Variants in NRG1 observed in about 807,000 individuals in gnomAD.
NRG1 encodes pro-neuregulin-1, membrane-bound isoform.
In NRG1, 18 loss-of-function variants were observed where a neutral mutation model predicts 63.8. The observed-to-expected ratio is 0.28, with a 90% CI of 0.19 to 0.42. The LOEUF is 0.42. NRG1 is among the 10% of genes least tolerant of loss of function. The pLI is 1.00. For synonymous variants in NRG1, 302 were observed against 301.3 expected, an observed-to-expected ratio of 1.00 and a Z score of -0.02; for missense variants, 762 against 814.7, an observed-to-expected ratio of 0.94 and a Z score of 0.79.
At chr8:32,249,143 A>G (rs1332685519) in intron 1 of NRG1, among the ~76,000 whole-genome samples, 1 of 152,058 alleles carries the variant, frequency 6.6e-6, no homozygotes, top group Non-Finnish European at 1.5e-5. Flanking sequence ...AGGTAGGGAA[A>G]TATTTTATTT....
chr8:32,656,532 T>C (rs1441390755), intron 5 of NRG1, among the ~76,000 whole-genome samples: 1 of 152,200 alleles, frequency 6.6e-6, no homozygotes, highest in Non-Finnish European at 1.5e-5. Context: ...CAGACAGATA[T>C]AAGTTTGTAA....
intron 11 of NRG1, among the ~76,000 whole-genome samples, chr8:32,761,172 A>G (rs1289351780): frequency 6.6e-6 from 1 of 152,236 alleles, no homozygotes; most frequent in Non-Finnish European, 1.5e-5. Flanking sequence ...TTGAATTCAT[A>G]GATTCTCTTT....
At chr8:31,718,473 C>T (rs1264161008) in intron 1 of NRG1, among the ~76,000 whole-genome samples, 1 of 152,200 alleles carries the variant, frequency 6.6e-6, no homozygotes, top group Non-Finnish European at 1.5e-5. Context: ...TCCATAAATA[C>T]TGTGCACTCC....
rs1042225623 is a variant in NRG1 at position 32,344,310 on chromosome 8, T to C, written c.38-251518T>C. Reference sequence around the variant, plus strand: ...ATTTTAGGAAAGAGCCACATCTTTTTTTTTTCCTTCTTTCTCTTTCTTTCT... The same window carrying C: ...ATTTTAGGAAAGAGCCACATCTTTTCTTTTTCCTTCTTTCTCTTTCTTTCT... On this transcript the variant is annotated intron_variant, in intron 1 of 10. Coordinates refer to the NRG1 transcript ENST00000519301. Among the ~76,000 whole-genome samples, 107 of 146,384 alleles carry C rather than the reference T, an allele frequency of 7.3e-4. 1 individual carries two copies. Among genetic ancestry groups the C allele is most frequent in the Non-Finnish European group, 1.4e-3 (91 of 65,830 alleles).
chr8:32,621,205 A>G (rs1848272626), intron 5 of NRG1, among the ~76,000 whole-genome samples: 1 of 152,156 alleles, frequency 6.6e-6, no homozygotes. Flanking sequence ...GTTGTTAATT[A>G]TATTTTTAAG....
intron 1 of NRG1, among the ~76,000 whole-genome samples, chr8:31,856,209 TTCC>T: frequency 6.6e-6 from 1 of 152,318 alleles, no homozygotes; most frequent in South Asian, 2.1e-4. Flanking sequence ...GCAGAGTATT[TTCC>T]AACTTGGTTC....
At chr8:32,464,626 TTAC>T (rs1822828267) in intron 1 of NRG1, among the ~76,000 whole-genome samples, 1 of 152,164 alleles carries the variant, frequency 6.6e-6, no homozygotes, top group East Asian at 1.9e-4. Flanking sequence ...ACAGGTTGCA[TTAC>T]TTGTACAACC....
chr8:31,661,691 T>C (rs2130940405), intron 1 of NRG1, among the ~76,000 whole-genome samples: 2 of 152,356 alleles, frequency 1.3e-5, no homozygotes, highest in Middle Eastern at 3.4e-3. Context: ...AATTAAATGC[T>C]GTGTTCTGAT....
intron 1 of NRG1, among the ~76,000 whole-genome samples, chr8:32,582,069 C>CATTTTATTTTATTT (rs1554591309): frequency 1.4e-5 from 2 of 145,154 alleles, no homozygotes; most frequent in Non-Finnish European, 3.0e-5. Flanking sequence ...ACCATGAACT[C>CATTTTATTTTATTT]TATTTTATTT....
exon 12 of NRG1, chr8:32,763,934 G>A (rs1013967028): frequency 9.9e-6 from 16 of 1,613,832 alleles, no homozygotes; most frequent in Middle Eastern, 1.6e-4. Flanking sequence ...CACCACCAAG[G>A]CTGCGGGAGA....
At chr8:31,923,994 G>A (rs1340973137) in intron 1 of NRG1, among the ~76,000 whole-genome samples, 1 of 152,106 alleles carries the variant, frequency 6.6e-6, no homozygotes, top group African/African-American at 2.4e-5. Context: ...TTCCATGTCT[G>A]AATTATTACA....
intron 1 of NRG1, among the ~76,000 whole-genome samples, chr8:32,206,871 A>G (rs1009621558): frequency 7.2e-5 from 11 of 152,226 alleles, no homozygotes; most frequent in African/African-American, 2.4e-4. Flanking sequence ...GCCACTTATA[A>G]GTGAGAACAT....
At chr8:32,622,750 A>T (rs923666908) in intron 5 of NRG1, among the ~76,000 whole-genome samples, 2 of 152,122 alleles carry the variant, frequency 1.3e-5, no homozygotes, top group African/African-American at 4.8e-5. Flanking sequence ...ATATATTGGG[A>T]AGTCTAATGT....
Position 32,415,529 on chromosome 8 carries a change from C to T in NRG1, c.38-180299C>T, listed in dbSNP as rs1240073932. Among the ~76,000 whole-genome samples the T allele has an allele frequency of 2.6e-5, 4 of 151,504 alleles. No individual in the cohort carries two copies. In the East Asian group the frequency reaches 7.7e-4, roughly 29 times the overall value. ...TTTCCTTGGGTTGTTCTTATTTCTA[C>T]ATCATTATGTTTATTATATGAAGGA... On this transcript the variant is annotated intron_variant, in intron 1 of 10. Transcript: ENST00000519301.
intron 1 of NRG1, among the ~76,000 whole-genome samples, chr8:32,305,517 G>A (rs1158083938): frequency 6.6e-6 from 1 of 152,130 alleles, no homozygotes; most frequent in Non-Finnish European, 1.5e-5. Context: ...CTCATTTAAA[G>A]AGAAGTAGAC....
intron 1 of NRG1, among the ~76,000 whole-genome samples, chr8:32,066,955 G>T (rs1289934251): frequency 1.3e-5 from 2 of 152,090 alleles, no homozygotes; most frequent in African/African-American, 4.8e-5. Context: ...AAGCAATTGT[G>T]AATGGGAGTT....
chr8:32,501,840 T>C (rs1239447131), intron 1 of NRG1, among the ~76,000 whole-genome samples: 1 of 152,194 alleles, frequency 6.6e-6, no homozygotes, highest in African/African-American at 2.4e-5. Flanking sequence ...TTACCAAGAA[T>C]AGACTACTCG....
chr8:32,109,015 C>T (rs1238019265), intron 1 of NRG1, among the ~76,000 whole-genome samples: 1 of 152,312 alleles, frequency 6.6e-6, no homozygotes, highest in East Asian at 1.9e-4. Context: ...AGTCACGGAA[C>T]ATCTATTAAC....
intron 1 of NRG1, among the ~76,000 whole-genome samples, chr8:32,454,905 T>C (rs1007486429): frequency 6.6e-6 from 1 of 152,316 alleles, no homozygotes; most frequent in East Asian, 1.9e-4. Context: ...TTTTTTTGTC[T>C]TTTATTCTGT....
Sources: allele counts gnomAD v4.1 joint callset (sites outside exome capture counted in the v4.1 genomes callset), GRCh38; gene constraint gnomAD v4.1.1; transcripts MANE v1.5; gene names NCBI Gene and HGNC (gene_info 2026-07-23, HGNC 2026-07-21).